Variants in FAM117B observed in about 807,000 individuals in gnomAD.
FAM117B encodes protein FAM117B.
FAM117B carries 22 observed loss-of-function variants against 52.8 expected under a neutral mutation model. The ratio of observed to expected loss-of-function variants is 0.42; its 90% CI spans 0.30 to 0.59. The LOEUF is 0.59. FAM117B is among the 20% of genes least tolerant of loss of function. The pLI, the probability that FAM117B is intolerant of heterozygous loss-of-function variation, is 0.22. For missense variants in FAM117B, 678 were observed against 802.6 expected (o/e 0.84, Z 1.88); for synonymous variants, 309 against 324.1 (o/e 0.95, Z 0.50).
chr2:202,708,580 A>G (rs981487774), intron 2 of FAM117B, among the ~76,000 whole-genome samples: 13 of 152,170 alleles, frequency 8.5e-5, no homozygotes, highest in Non-Finnish European at 1.8e-4. Context: ...TGGAATTGCT[A>G]GAGCATGTGG....
At chr2:202,755,472 T>G (rs1691786940) in intron 4 of FAM117B, 66 bp from the exon 5 acceptor site, 1 of 1,568,968 alleles carries the variant, frequency 6.4e-7, no homozygotes, top group African/African-American at 1.4e-5. Flanking sequence ...TCTGTTGGAA[T>G]TACGCTTCAG....
Position 202,635,711 on chromosome 2 carries a change from G to A in FAM117B, c.524G>A (p.Arg175Gln). The change falls in exon 1 of 8, where the codon CGG becomes CAG. Residue 175 changes from arginine to glutamine, a missense_variant. This residue lies in a region of FAM117B where 583 missense variants were observed against 644.8 expected (regional missense o/e 0.90). Transcript: ENST00000392238. ...GCGGCCCCACCCCCAGCCCGCGTCC[G>A]GCATCGGAGGAGGTCTCCGGAGCAG... ...VSAAPPPARV[R>Q]HRRRSPEQSR... 1 of 1,433,774 alleles carries A rather than the reference G, an allele frequency of 7.0e-7. No individual in the cohort carries two copies. The highest frequency in any genetic ancestry group is 2.6e-5 in the Admixed American group (1 of 37,932). The allele number at this position is 1,433,774 out of a possible 1,614,324, so 88.8% of individuals were successfully genotyped here.
Position 202,739,424 on chromosome 2 carries a change from T to C in FAM117B, c.960+13061T>C, listed in dbSNP as rs374118220. On this transcript the variant is annotated intron_variant, in intron 4 of 7. Transcript: ENST00000392238. ...CTTTCTGTCTGTCTTCCTGTCTGTCTGTCTGTCCTTCCCTCCCCTCCCCTC... is the reference window on the plus strand; with the variant it reads ...CTTTCTGTCTGTCTTCCTGTCTGTCCGTCTGTCCTTCCCTCCCCTCCCCTC... Among the ~76,000 whole-genome samples the C allele has an allele frequency of 9.2e-5, 14 of 151,482 alleles. 1 individual carries two copies. In the East Asian group the frequency reaches 2.0e-3, roughly 22 times the overall value.
At chr2:202,732,122 C>T (rs556620121) in intron 4 of FAM117B, among the ~76,000 whole-genome samples, 2 of 151,054 alleles carry the variant, frequency 1.3e-5, no homozygotes, top group Non-Finnish European at 3.0e-5. Flanking sequence ...AACTCCTGGC[C>T]TCAGGTGATC....
intron 1 of FAM117B, among the ~76,000 whole-genome samples, chr2:202,680,069 T>G (rs779085446): frequency 1.3e-5 from 2 of 152,122 alleles, no homozygotes; most frequent in Admixed American, 6.6e-5. Context: ...ATTTACTGAT[T>G]GAGGTTAACA....
intron 4 of FAM117B, among the ~76,000 whole-genome samples, chr2:202,738,115 T>G (rs1215710406): frequency 6.6e-6 from 1 of 152,190 alleles, no homozygotes; most frequent in Non-Finnish European, 1.5e-5. Flanking sequence ...TGTGGTTGGT[T>G]GTTGTTATTA....
chr2:202,696,077 C>T lies in FAM117B; in HGVS notation c.753+45C>T, dbSNP rs758794348. On this transcript the variant is annotated intron_variant, in intron 2 of 7. Transcript: ENST00000392238. The stretch of plus-strand genomic sequence containing the variant: ...TATCCTGAAGTGTTTTTCTCTGAAG[C>T]TACTTCTTCTAATATTATTTGTTCT... The T allele has an allele frequency of 2.5e-6, 4 of 1,577,614 alleles. No homozygotes were observed. In the South Asian group the frequency reaches 4.6e-5, roughly 18 times the overall value.
chr2:202,686,763 C>A (rs1456995566), intron 1 of FAM117B, among the ~76,000 whole-genome samples: 1 of 151,494 alleles, frequency 6.6e-6, no homozygotes, highest in Non-Finnish European at 1.5e-5. Flanking sequence ...GCTGAGATTG[C>A]CATCACTGAA....
chr2:202,748,714 G>C (rs1434511691), intron 4 of FAM117B, among the ~76,000 whole-genome samples: 6 of 152,074 alleles, frequency 3.9e-5, no homozygotes, highest in Non-Finnish European at 5.9e-5. Context: ...ATTTTAAAAA[G>C]TTCATCTTTA....
intron 4 of FAM117B, among the ~76,000 whole-genome samples, chr2:202,752,259 G>C (rs1255833348): frequency 6.6e-6 from 1 of 152,166 alleles, no homozygotes; most frequent in Non-Finnish European, 1.5e-5. Context: ...CCATGAGGTA[G>C]GTTTCTGTGT....
intron 1 of FAM117B, among the ~76,000 whole-genome samples, 152 bp from the exon 2 acceptor site, chr2:202,695,729 G>C (rs1271990183): frequency 6.6e-6 from 1 of 152,202 alleles, no homozygotes; most frequent in African/African-American, 2.4e-5. Flanking sequence ...TGCCATTTCA[G>C]GCATCTTTAC....
At chr2:202,689,935 C>T (rs554057641) in intron 1 of FAM117B, among the ~76,000 whole-genome samples, 7 of 152,112 alleles carry the variant, frequency 4.6e-5, no homozygotes, top group African/African-American at 1.7e-4. Context: ...GAGTGAGACC[C>T]TGTCTCCAAG....
Position 202,635,168 on chromosome 2 carries a change from C to A in FAM117B, c.-20C>A. 7.9e-7 allele frequency: 1 copy of A among 1,264,646 alleles called. No individual in the cohort carries two copies. The highest frequency in any genetic ancestry group is 2.8e-5 in the South Asian group (1 of 36,284). The allele number at this position is 1,264,646 out of a possible 1,614,324, so 78.3% of individuals were successfully genotyped here. On this transcript the variant is annotated 5_prime_UTR_variant, in exon 1 of 8. Transcript: ENST00000392238. ...AACAAAACCCCCCGTCTCGCCCAGT[C>A]ACCGGGGAGGGGGGGGACCATGTCC...
At chr2:202,666,785 C>T (rs1246413194) in intron 1 of FAM117B, among the ~76,000 whole-genome samples, 2 of 150,630 alleles carry the variant, frequency 1.3e-5, no homozygotes, top group African/African-American at 4.9e-5. Context: ...TCTCCTGCCT[C>T]AGCCCGCTGA....
chr2:202,686,805 CA>C (rs201803878), intron 1 of FAM117B, among the ~76,000 whole-genome samples: 459 of 127,486 alleles, frequency 3.6e-3, no homozygotes, highest in Admixed American at 5.3e-3. Context: ...GAGATTCGGT[CA>C]AAAAAAAAAA....
At chr2:202,700,995 CA>C (rs1305018083) in intron 2 of FAM117B, among the ~76,000 whole-genome samples, 4 of 152,172 alleles carry the variant, frequency 2.6e-5, no homozygotes. Flanking sequence ...CCACTGCACC[CA>C]GCTAGATTTT....
chr2:202,739,894 G>A (rs1242693821), intron 4 of FAM117B, among the ~76,000 whole-genome samples: 1 of 151,890 alleles, frequency 6.6e-6, no homozygotes, highest in East Asian at 1.9e-4. Context: ...TATTTAGGTT[G>A]GGCATGGTGG....
chr2:202,681,924 C>T (rs1327839396), intron 1 of FAM117B, among the ~76,000 whole-genome samples: 1 of 152,186 alleles, frequency 6.6e-6, no homozygotes, highest in Non-Finnish European at 1.5e-5. Context: ...TGGCCTGCCC[C>T]GCCCCTCATT....
At chr2:202,651,697 C>T (rs540500607) in intron 1 of FAM117B, among the ~76,000 whole-genome samples, 22 of 152,198 alleles carry the variant, frequency 1.4e-4, no homozygotes, top group Admixed American at 1.3e-4. Flanking sequence ...TTTTATCTTA[C>T]ATGCTGTTCT....
Sources: gnomAD v4.1 joint callset for allele counts (sites outside exome capture counted in the v4.1 genomes callset) on GRCh38, gnomAD v4.1.1 for gene constraint, gnomAD v4.1.1 regional missense constraint, MANE v1.5 for transcripts, NCBI Gene and HGNC (gene_info 2026-07-23, HGNC 2026-07-21) for gene names.